Variants in POU6F2 observed in about 807,000 individuals in gnomAD.
POU6F2 encodes POU domain, class 6, transcription factor 2.
POU6F2 carries 31 observed loss-of-function variants against 71.3 expected under a neutral mutation model. That is an observed-to-expected ratio of 0.43 (90% CI 0.33 to 0.59). The LOEUF is 0.59. Ranked by LOEUF, POU6F2 falls within the 20% of genes least tolerant of loss-of-function variation. The pLI is 0.04. For synonymous variants in POU6F2, 347 were observed against 355.7 expected, an observed-to-expected ratio of 0.98 and a Z score of 0.27; for missense variants, 783 against 856.8, an observed-to-expected ratio of 0.91 and a Z score of 1.07.
chr7:39,356,035 TG>T (rs1276497212), intron 5 of POU6F2, among the ~76,000 whole-genome samples: 1 of 152,140 alleles, frequency 6.6e-6, no homozygotes, highest in Non-Finnish European at 1.5e-5. Flanking sequence ...CCAAAGTACC[TG>T]GAACTTTTCT....
chr7:39,174,455 T>C (rs1424639362), intron 2 of POU6F2, among the ~76,000 whole-genome samples: 1 of 152,208 alleles, frequency 6.6e-6, no homozygotes, highest in African/African-American at 2.4e-5. Flanking sequence ...CATCTATACC[T>C]GATTTTCATT....
rs766231094 is a variant in POU6F2, at chr7:39,460,720, C to T, written c.1658+5C>T. 1.9e-5 allele frequency: 30 copies of T among 1,584,394 alleles called. No individual in the cohort carries two copies. Among genetic ancestry groups the T allele is most frequent in the Middle Eastern group, 1.8e-4 (1 of 5,536 alleles). On this transcript the variant is annotated splice_donor_5th_base_variant and intron_variant, in intron 9 of 9. Coordinates refer to ENST00000518318, the MANE Select transcript of POU6F2 (RefSeq NM_001370959.1). This position sits in a 1 kb window ranked among gnomAD's most constrained non-coding sequence, Gnocchi z 4.4. ...CAGCCAGTCGGCCATCTGCAGGTAA[C>T]GCGCGCCTGCATGCTGTCACCTCTT...
intron 2 of POU6F2, among the ~76,000 whole-genome samples, chr7:39,185,867 ATATATGTATATGTATATATT>A (rs1209862596): frequency 6.8e-6 from 1 of 148,120 alleles, no homozygotes; most frequent in African/African-American, 2.5e-5. Context: ...GTATATATGT[ATATATGTATATGTATATATT>A]TATATGTATA....
At chr7:39,347,438 G>T (rs1786052638) in intron 5 of POU6F2, among the ~76,000 whole-genome samples, 1 of 152,138 alleles carries the variant, frequency 6.6e-6, no homozygotes, top group African/African-American at 2.4e-5. Context: ...TCTGAGGAAA[G>T]GGGTGAGGAG....
chr7:39,083,791 A>G (rs987523592), intron 1 of POU6F2: 2 of 152,158 alleles, frequency 1.3e-5, no homozygotes, highest in African/African-American at 2.4e-5. Flanking sequence ...TTTCTTTTCT[A>G]AAGAGTTCAA....
At chr7:39,410,218 G>A (rs1390291621) in intron 6 of POU6F2, among the ~76,000 whole-genome samples, 1 of 152,150 alleles carries the variant, frequency 6.6e-6, no homozygotes, top group Non-Finnish European at 1.5e-5. Flanking sequence ...GCAGGCACCT[G>A]TAGTCCCAGC....
At chr7:39,097,294 G>A (rs1242840857) in intron 2 of POU6F2, among the ~76,000 whole-genome samples, 2 of 151,978 alleles carry the variant, frequency 1.3e-5, no homozygotes, top group East Asian at 3.9e-4. Context: ...ATTTTGGTAG[G>A]GGCATGTTTA....
At chr7:39,453,885 C>T (rs992801207) in intron 8 of POU6F2, among the ~76,000 whole-genome samples, 26 of 152,156 alleles carry the variant, frequency 1.7e-4, no homozygotes, top group Admixed American at 1.7e-3. Flanking sequence ...CTGAATGACA[C>T]CAAGCTAGCT....
In POU6F2 at chr7:39,012,500, G is replaced by A. The variant is rs1018186251; in HGVS notation, c.105+34442G>A. The stretch of plus-strand genomic sequence containing the variant: ...TCCCGTAGCTCAGAGTAATTTGATC[G>A]TCTGAAGCCTTCTTCTCTCAGCTCA... On this transcript the variant is annotated intron_variant, in intron 1 of 9. Coordinates refer to ENST00000518318, the MANE Select transcript of POU6F2 (RefSeq NM_001370959.1). 2.1e-3 allele frequency among the ~76,000 whole-genome samples: 314 copies of A among 147,592 alleles called. 2 individuals are homozygous for A. Among genetic ancestry groups the A allele is most frequent in the Non-Finnish European group, 3.8e-3 (253 of 66,564 alleles).
At chr7:39,422,839 A>G (rs977482287) in intron 6 of POU6F2, among the ~76,000 whole-genome samples, 2 of 152,144 alleles carry the variant, frequency 1.3e-5, no homozygotes, top group African/African-American at 4.8e-5. Flanking sequence ...CATTTTGGTC[A>G]TTTTCCTTCC....
chr7:39,074,357 G>A (rs975374407), intron 1 of POU6F2, among the ~76,000 whole-genome samples: 8 of 152,100 alleles, frequency 5.3e-5, no homozygotes, highest in Non-Finnish European at 8.8e-5. Context: ...GGTGGCAGGC[G>A]TAGTCCCAGC....
chr7:38,989,299 A>T lies in POU6F2; in HGVS notation c.105+11241A>T, dbSNP rs563902740. Among the ~76,000 whole-genome samples the T allele has an allele frequency of 1.1e-4, 17 of 152,266 alleles. No individual in the cohort carries two copies. In the South Asian group the frequency reaches 3.5e-3, roughly 32 times the overall value. On this transcript the variant is annotated intron_variant, in intron 1 of 9. Coordinates refer to ENST00000518318, the MANE Select transcript of POU6F2 (RefSeq NM_001370959.1). The stretch of plus-strand genomic sequence containing the variant: ...TTTAGACTTATAAAGTAATCTGAGT[A>T]CAGAGATGTATAAATTCTCTGAATA...
At chr7:39,186,278 C>T (rs1445074646) in intron 2 of POU6F2, among the ~76,000 whole-genome samples, 1 of 152,150 alleles carries the variant, frequency 6.6e-6, no homozygotes, top group Non-Finnish European at 1.5e-5. Context: ...GGGGCAAGGA[C>T]TGAGAGCTAC....
At chr7:39,138,667 G>C (rs1792435311) in intron 2 of POU6F2, among the ~76,000 whole-genome samples, 2 of 152,098 alleles carry the variant, frequency 1.3e-5, no homozygotes, top group African/African-American at 4.8e-5. Flanking sequence ...TCTACATTAT[G>C]GTGAGTTGTA....
chr7:38,996,715 C>T (rs943774888), intron 1 of POU6F2, among the ~76,000 whole-genome samples: 2 of 152,188 alleles, frequency 1.3e-5, no homozygotes, highest in Non-Finnish European at 2.9e-5. Context: ...AACAACTCTG[C>T]TTGTATATCT....
chr7:38,982,749 A>G (rs1340584672), intron 1 of POU6F2, among the ~76,000 whole-genome samples: 1 of 152,008 alleles, frequency 6.6e-6, no homozygotes, highest in East Asian at 1.9e-4. Flanking sequence ...AATTAATGAA[A>G]CTCTCTGTAC....
chr7:39,261,666 A>G (rs1413902267), intron 4 of POU6F2, among the ~76,000 whole-genome samples: 3 of 152,158 alleles, frequency 2.0e-5, no homozygotes, highest in African/African-American at 4.8e-5. Flanking sequence ...GGACCTGACC[A>G]CACTACACCA....
chr7:39,397,394 AATAT>A (rs547664265), intron 5 of POU6F2, among the ~76,000 whole-genome samples: 23 of 146,386 alleles, frequency 1.6e-4, no homozygotes, highest in African/African-American at 3.0e-4. Context: ...TATATAGACA[AATAT>A]ATATATAGAC....
intron 5 of POU6F2, among the ~76,000 whole-genome samples, chr7:39,354,335 G>A (rs1296232055): frequency 6.6e-6 from 1 of 152,198 alleles, no homozygotes; most frequent in East Asian, 1.9e-4. Context: ...TGCAGAGTGG[G>A]AATCAAAAGG....
Sources: gnomAD v4.1 joint callset for allele counts (sites outside exome capture counted in the v4.1 genomes callset) on GRCh38, gnomAD v4.1.1 for gene constraint, Gnocchi (gnomAD v3.1) non-coding constraint, MANE v1.5 for transcripts, NCBI Gene and HGNC (gene_info 2026-07-23, HGNC 2026-07-21) for gene names.